The following STAU2 variants were observed in gnomAD, a reference collection of about 807,000 sequenced individuals.
STAU2 encodes the protein double-stranded RNA-binding protein Staufen homolog 2.
STAU2 carries 20 observed loss-of-function variants against 65.9 expected under a neutral mutation model. The ratio of observed to expected loss-of-function variants is 0.30; its 90% CI spans 0.21 to 0.44. STAU2 has a LOEUF of 0.44. Ranked by LOEUF, STAU2 falls within the 20% of genes least tolerant of loss-of-function variation. The probability of loss-of-function intolerance (pLI) is 1.00; values close to 1 mark genes in which losing one functional copy is unlikely to be tolerated. For missense variants in STAU2, 558 were observed against 683.9 expected (o/e 0.82, Z 2.05); for synonymous variants, 232 against 233.9 (o/e 0.99, Z 0.07).
chr8:73,620,889 C>T (rs1481644074), intron 6 of STAU2, among the ~76,000 whole-genome samples: 2 of 152,116 alleles, frequency 1.3e-5, no homozygotes, highest in African/African-American at 4.8e-5. Flanking sequence ...TCAAGATTAG[C>T]CAGAGCACTC....
chr8:73,427,774 A>G (rs1450585478), intron 13 of STAU2, among the ~76,000 whole-genome samples: 1 of 152,252 alleles, frequency 6.6e-6, no homozygotes, highest in African/African-American at 2.4e-5. Context: ...ATTTTCACGG[A>G]GTGGGCTCAT....
chr8:73,714,657 C>G (rs1821117893), intron 3 of STAU2, among the ~76,000 whole-genome samples: 1 of 152,014 alleles, frequency 6.6e-6, no homozygotes, highest in African/African-American at 2.4e-5. Flanking sequence ...AACCTAGAAG[C>G]CATAAAGGCA....
At chr8:73,572,962 G>C (rs183985392) in intron 12 of STAU2, among the ~76,000 whole-genome samples, 230 of 152,296 alleles carry the variant, frequency 1.5e-3, no homozygotes, top group Admixed American at 2.5e-3. Flanking sequence ...AAGTCAAATT[G>C]TCCCTGTTTG....
chr8:73,731,427 G>T (rs1055593396), intron 3 of STAU2, among the ~76,000 whole-genome samples: 6 of 152,106 alleles, frequency 3.9e-5, no homozygotes, highest in African/African-American at 1.2e-4. Context: ...ACCTTGCACT[G>T]CAGCCAATAA....
chr8:73,723,023 G>A (rs967662167), intron 3 of STAU2, among the ~76,000 whole-genome samples: 6 of 152,060 alleles, frequency 3.9e-5, no homozygotes, highest in African/African-American at 7.2e-5. Context: ...TGGTCAGAGC[G>A]TATCCTAGCC....
At chr8:73,694,908 T>C (rs1371625579) in intron 4 of STAU2, among the ~76,000 whole-genome samples, 1 of 152,162 alleles carries the variant, frequency 6.6e-6, no homozygotes, top group African/African-American at 2.4e-5. Context: ...GAGGGAGGAT[T>C]TGGACCAGCA....
At chr8:73,455,923 G>A (rs1470668452) in intron 13 of STAU2, among the ~76,000 whole-genome samples, 5 of 152,182 alleles carry the variant, frequency 3.3e-5, no homozygotes, top group African/African-American at 7.2e-5. Context: ...ACGGACGGAT[G>A]GATGAGAAGC....
chr8:73,474,477 A>T (rs1340555814), intron 13 of STAU2, among the ~76,000 whole-genome samples: 1 of 152,192 alleles, frequency 6.6e-6, no homozygotes, highest in East Asian at 1.9e-4. Context: ...AAAGACCTTC[A>T]ACACTTTCTA....
intron 6 of STAU2, chr8:73,651,696 C>A: frequency 2.1e-6 from 1 of 468,738 alleles, no homozygotes; most frequent in Non-Finnish European, 3.9e-6. Context: ...CGTACCACCC[C>A]CCAAAGCCCA....
chr8:73,604,289 T>C (rs866996109), intron 9 of STAU2, among the ~76,000 whole-genome samples: 4 of 152,212 alleles, frequency 2.6e-5, no homozygotes, highest in Non-Finnish European at 4.4e-5. Context: ...AGTGTGGTAG[T>C]GCAATTTCAG....
intron 12 of STAU2, among the ~76,000 whole-genome samples, chr8:73,568,932 T>C (rs1248876115): frequency 6.6e-6 from 1 of 152,180 alleles, no homozygotes; most frequent in Non-Finnish European, 1.5e-5. Context: ...GGGTGATTTC[T>C]GCATTCCAAC....
intron 6 of STAU2, chr8:73,653,511 T>C (rs1816067946): frequency 6.6e-6 from 1 of 152,526 alleles, no homozygotes; most frequent in Non-Finnish European, 1.5e-5. Flanking sequence ...CTTCTTTACT[T>C]CTTTCAAAAG....
chr8:73,535,464 T>C (rs1806121888), intron 13 of STAU2, among the ~76,000 whole-genome samples: 1 of 152,208 alleles, frequency 6.6e-6, no homozygotes, highest in Non-Finnish European at 1.5e-5. Flanking sequence ...CCACCGCCCC[T>C]GGCCGTTCTT....
intron 6 of STAU2, among the ~76,000 whole-genome samples, chr8:73,641,696 G>A (rs1814984718): frequency 6.6e-6 from 1 of 152,180 alleles, no homozygotes; most frequent in African/African-American, 2.4e-5. Flanking sequence ...AAAGAAAACT[G>A]TTGGTTTAAT....
chr8:73,713,712 A>G (rs977715898), intron 3 of STAU2, among the ~76,000 whole-genome samples: 4 of 152,174 alleles, frequency 2.6e-5, no homozygotes, highest in African/African-American at 7.2e-5. Context: ...ACAGCAGAAT[A>G]AAACTATGTG....
At chr8:73,456,143 G>A (rs988199091) in intron 13 of STAU2, among the ~76,000 whole-genome samples, 12 of 141,518 alleles carry the variant, frequency 8.5e-5, no homozygotes, top group Non-Finnish European at 1.7e-4. Flanking sequence ...TGAACAGCAC[G>A]TGTTTCTATC....
At chr8:73,618,648 T>C (rs1404229469) in intron 6 of STAU2, among the ~76,000 whole-genome samples, 1 of 152,194 alleles carries the variant, frequency 6.6e-6, no homozygotes, top group Non-Finnish European at 1.5e-5. Flanking sequence ...ACTTATCTCT[T>C]GGAATAACCA....
At chr8:73,554,513 G>C (rs1807574660) in intron 12 of STAU2, among the ~76,000 whole-genome samples, 1 of 152,206 alleles carries the variant, frequency 6.6e-6, no homozygotes, top group Non-Finnish European at 1.5e-5. Context: ...GCTGGGGGTG[G>C]AGGGTGGTTG....
intron 13 of STAU2, among the ~76,000 whole-genome samples, chr8:73,499,864 C>T (rs1278273556): frequency 2.0e-5 from 3 of 151,774 alleles, no homozygotes; most frequent in African/African-American, 2.4e-5. Flanking sequence ...GGGCTCTAGA[C>T]CACGGGAGTA....
Sources: gnomAD v4.1 joint callset for allele counts (sites outside exome capture counted in the v4.1 genomes callset) on GRCh38, gnomAD v4.1.1 for gene constraint, MANE v1.5 for transcripts, NCBI Gene and HGNC (gene_info 2026-07-23, HGNC 2026-07-21) for gene names.